Variants in CACNA1B observed in about 807,000 individuals in gnomAD.
The protein encoded by CACNA1B is calcium voltage-gated channel subunit alpha1 B, also known as voltage-dependent N-type calcium channel subunit alpha-1B.
A neutral mutation model predicts 247.2 loss-of-function variants in CACNA1B; 70 were observed. The observed-to-expected ratio is 0.28, with a 90% CI of 0.23 to 0.35. The LOEUF is 0.35. Ranked by LOEUF, CACNA1B falls within the 10% of genes least tolerant of loss-of-function variation. The pLI is 1.00. For missense variants in CACNA1B, 2,367 were observed against 3,197.4 expected (o/e 0.74, Z 6.26); for synonymous variants, 1,231 against 1,294.4 (o/e 0.95, Z 1.05).
chr9:137,957,490 TC>T lies in CACNA1B; in HGVS notation c.1244-107del, dbSNP rs1957962706. The T allele has an allele frequency of 1.4e-6, 1 of 712,580 alleles. No individual in the cohort carries two copies. The highest frequency in any genetic ancestry group is 2.2e-5 in the South Asian group (1 of 45,672). The allele number at this position is 712,580 out of a possible 1,614,324, so 44.1% of individuals were successfully genotyped here. ...CTCAGCCCCAGTTCAGGACAGGAGC[TC>T]AGGAGAGGTCACTGGTCCCAGGGGG... On this transcript the variant is annotated intron_variant, in intron 9 of 46. Coordinates refer to ENST00000371372, the MANE Select transcript of CACNA1B (RefSeq NM_000718.4). This position sits in a 1 kb window ranked among gnomAD's most constrained non-coding sequence, Gnocchi z 4.7.
chr9:137,920,206 T>C (rs1314010981), intron 6 of CACNA1B, among the ~76,000 whole-genome samples: 1 of 151,232 alleles, frequency 6.6e-6, no homozygotes, highest in Non-Finnish European at 1.5e-5. Flanking sequence ...GACACTTTCT[T>C]TTTTTTTTGA....
Position 138,090,532 on chromosome 9 carries a change from A to G in CACNA1B, c.5095-5952A>G, listed in dbSNP as rs117852834. Among the ~76,000 whole-genome samples the G allele has an allele frequency of 2.8e-4, 42 of 152,150 alleles. No homozygotes were observed. The East Asian group carries it at 8.1e-3, about 29-fold the overall frequency. ...GGAGAAGACCTCAAGAGCACAGGCA[A>G]CCAAAGCACAAATAGACAAATGGGG... is the stretch of plus-strand genomic sequence containing the variant. On this transcript the variant is annotated intron_variant, in intron 36 of 46. Transcript: ENST00000371372.
At chr9:138,005,392 C>G (rs748172156) in intron 15 of CACNA1B, among the ~76,000 whole-genome samples, 7 of 152,142 alleles carry the variant, frequency 4.6e-5, no homozygotes, top group Non-Finnish European at 8.8e-5. Flanking sequence ...TGTTCTCACT[C>G]AGATGTGAGA....
intron 18 of CACNA1B, among the ~76,000 whole-genome samples, chr9:138,022,639 G>A (rs1015572841): frequency 6.6e-6 from 1 of 152,188 alleles, no homozygotes; most frequent in African/African-American, 2.4e-5. Flanking sequence ...CCTGCCCTTT[G>A]TAACATGCCC....
intron 3 of CACNA1B, among the ~76,000 whole-genome samples, chr9:137,893,592 A>G (rs928141351): frequency 2.0e-5 from 3 of 151,724 alleles, no homozygotes; most frequent in African/African-American, 7.3e-5. Flanking sequence ...CGAAGCTTGC[A>G]GTGAGCTGAG....
At chr9:137,976,043 G>C in intron 12 of CACNA1B, 24 bp downstream of exon 12, 3 of 1,380,740 alleles carry the variant, frequency 2.2e-6, no homozygotes, top group Non-Finnish European at 3.1e-6. Context: ...CTGATCAGGG[G>C]CCCAGGCTGT....
intron 3 of CACNA1B, among the ~76,000 whole-genome samples, chr9:137,908,369 A>G (rs1957320478): frequency 6.6e-6 from 1 of 152,024 alleles, no homozygotes; most frequent in South Asian, 2.1e-4. Context: ...TACAAAAATT[A>G]GCCAGGTATG....
chr9:137,902,521 A>G (rs778053978), intron 3 of CACNA1B, among the ~76,000 whole-genome samples: 1 of 152,204 alleles, frequency 6.6e-6, no homozygotes, highest in Admixed American at 6.5e-5. Context: ...TGTTAATATA[A>G]CATCTTTAAT....
In CACNA1B at chr9:137,973,420, C is replaced by T. The variant is rs929706628; in HGVS notation, c.1543+1828C>T. On this transcript the variant is annotated intron_variant, in intron 11 of 46. Coordinates refer to ENST00000371372, the MANE Select transcript of CACNA1B (RefSeq NM_000718.4). The surrounding 1 kb of genome is among the most constrained non-coding windows in gnomAD (Gnocchi z 4.1). ...AGGGGCTCATCGTGGGTTCTGTGCA[C>T]CTCGGCTGTCCATTCTCCAAGGACC... is the stretch of plus-strand genomic sequence containing the variant. Among the ~76,000 whole-genome samples the T allele has an allele frequency of 6.6e-6, 1 of 152,154 alleles. No homozygotes were observed. Among genetic ancestry groups the T allele is most frequent in the Non-Finnish European group, 1.5e-5 (1 of 68,030 alleles).
chr9:138,005,161 C>T (rs1324831803), intron 15 of CACNA1B, among the ~76,000 whole-genome samples: 1 of 152,214 alleles, frequency 6.6e-6, no homozygotes, highest in African/African-American at 2.4e-5. Context: ...GTGCTGCCTG[C>T]CTCCTCATGC....
intron 10 of CACNA1B, among the ~76,000 whole-genome samples, chr9:137,960,829 TAA>T (rs1237207130): frequency 2.6e-5 from 4 of 152,098 alleles, no homozygotes; most frequent in Non-Finnish European, 5.9e-5. Flanking sequence ...GGAGACTGTG[TAA>T]AGTGTTCCTT....
At chr9:138,086,529 C>T (rs969402678) in intron 36 of CACNA1B, among the ~76,000 whole-genome samples, 3 of 150,972 alleles carry the variant, frequency 2.0e-5, no homozygotes. Flanking sequence ...TACCAAGACC[C>T]CATCTCTTTA....
intron 15 of CACNA1B, among the ~76,000 whole-genome samples, chr9:137,991,975 A>G (rs979557120): frequency 6.6e-6 from 1 of 152,188 alleles, no homozygotes; most frequent in African/African-American, 2.4e-5. Context: ...AAATACACCA[A>G]AATAGAACCT....
chr9:138,031,869 T>G (rs534599908), intron 20 of CACNA1B, among the ~76,000 whole-genome samples: 1 of 152,170 alleles, frequency 6.6e-6, no homozygotes, highest in African/African-American at 2.4e-5. Flanking sequence ...TTTTCAACCT[T>G]TTGCTTTCAA....
chr9:137,959,071 T>C lies in CACNA1B; in HGVS notation c.1333+1384T>C, dbSNP rs118025593. Among the ~76,000 whole-genome samples the C allele has an allele frequency of 8.0e-3, 1,218 of 152,270 alleles. 6 individuals carry two copies. Among genetic ancestry groups the C allele is most frequent in the South Asian group, 0.012 (60 of 4,828 alleles). ...TTTATCATCTTATAATTTTATTTTATTTAATTAATTTTTTTTTGAGACAAA... is the reference window on the plus strand; with the variant it reads ...TTTATCATCTTATAATTTTATTTTACTTAATTAATTTTTTTTTGAGACAAA... On this transcript the variant is annotated intron_variant, in intron 10 of 46. Coordinates refer to ENST00000371372, the MANE Select transcript of CACNA1B (RefSeq NM_000718.4).
rs1368370552 is a variant in CACNA1B at position 138,023,681 on chromosome 9, C to T, written c.2938C>T (p.Arg980Trp). The change falls in exon 19 of 47, where the codon CGG becomes TGG. Residue 980 changes from arginine to tryptophan, a missense_variant. Arg to Trp is a moderately radical substitution (Grantham distance 101). Around this residue, in one of 12 missense-constraint regions of CACNA1B, gnomAD observed 631 missense variants for 631.1 expected, o/e 1.00. Transcript: ENST00000371372. Reference sequence around the variant, plus strand: ...CGGGGAGGAGCCGGCGCGGCGGCACCGGGCCCGGCACAAGGCGCAGCCTGC... The same window carrying T: ...CGGGGAGGAGCCGGCGCGGCGGCACTGGGCCCGGCACAAGGCGCAGCCTGC... ...ESGEEPARRH[R>W]ARHKAQPAHE... The T allele has an allele frequency of 5.0e-5, 76 of 1,509,672 alleles. No individual in the cohort carries two copies. Among genetic ancestry groups the T allele is most frequent in the Non-Finnish European group, 6.4e-5 (72 of 1,128,272 alleles). 93.5% of individuals were successfully genotyped at this position (1,509,672 alleles called of 1,614,324 possible). A position where few individuals can be genotyped will look rare whatever the true frequency, so the allele number is the denominator to read the frequency against.
Position 138,121,547 on chromosome 9 carries a change from C to A in CACNA1B, c.6568C>A (p.Leu2190Ile). 1 of 1,596,678 alleles carries A rather than the reference C, an allele frequency of 6.3e-7. No homozygotes were observed. The change falls in exon 47 of 47, where the codon CTC becomes ATC. Residue 2190 changes from leucine to isoleucine, a missense_variant. This residue lies in a region of CACNA1B where 773 missense variants were observed against 779.4 expected (regional missense o/e 0.99). Transcript: ENST00000371372. This position sits in a 1 kb window ranked among gnomAD's most constrained non-coding sequence, Gnocchi z 6.8. ...STPGRGGRRQLPQTPLTPRPS... is the reference protein window; with the variant it reads ...STPGRGGRRQIPQTPLTPRPS... Reference sequence around the variant, plus strand: ...CCCCGGCCGCGGTGGGCGGAGGCAGCTCCCCCAGACGCCCCTGACTCCCCG... The same window carrying A: ...CCCCGGCCGCGGTGGGCGGAGGCAGATCCCCCAGACGCCCCTGACTCCCCG...
chr9:138,038,749 G>A (rs1348242498), intron 20 of CACNA1B, among the ~76,000 whole-genome samples: 2 of 152,216 alleles, frequency 1.3e-5, no homozygotes, highest in Non-Finnish European at 2.9e-5. Context: ...CTGGAAGCCC[G>A]TCTCACCTCA....
chr9:138,047,021 G>C lies in CACNA1B; in HGVS notation c.3531G>C (p.Ser1177=), dbSNP rs574443980. 37 of 1,610,638 alleles carry C rather than the reference G, an allele frequency of 2.3e-5. No homozygotes were observed. The highest frequency in any genetic ancestry group is 3.1e-5 in the Non-Finnish European group (36 of 1,177,852). The change falls in exon 22 of 47, where the codon TCG becomes TCC. Residue 1177 remains serine (S), a synonymous_variant. Coordinates refer to ENST00000371372, the MANE Select transcript of CACNA1B (RefSeq NM_000718.4). ...LAAEDPVRTD[S]PRNNALKYLD... is the part of the protein sequence containing the mutation. Reference sequence around the variant, plus strand: ...CTGAGGACCCAGTGCGCACAGACTCGCCCAGGAACAACGTGAGTGGCCCGG... The same window carrying C: ...CTGAGGACCCAGTGCGCACAGACTCCCCCAGGAACAACGTGAGTGGCCCGG...
Sources: gnomAD v4.1 joint callset for allele counts (sites outside exome capture counted in the v4.1 genomes callset) on GRCh38, gnomAD v4.1.1 for gene constraint, gnomAD v4.1.1 regional missense constraint, Gnocchi (gnomAD v3.1) non-coding constraint, MANE v1.5 for transcripts, NCBI Gene and HGNC (gene_info 2026-07-23, HGNC 2026-07-21) for gene names.